Variants in PARD3 observed in about 807,000 individuals in gnomAD.
PARD3 encodes the protein partitioning defective 3 homolog.
Under a neutral mutation model 155.4 loss-of-function variants are expected in PARD3, and 75 were observed. That is an observed-to-expected ratio of 0.48 (90% CI 0.40 to 0.58). PARD3 has a LOEUF of 0.58. PARD3 is among the 20% of genes least tolerant of loss of function. PARD3 has a pLI of 0.00. For synonymous variants in PARD3, 576 were observed against 610.5 expected, an observed-to-expected ratio of 0.94 and a Z score of 0.83; for missense variants, 1,642 against 1,721.7, an observed-to-expected ratio of 0.95 and a Z score of 0.82.
At position 34,333,880 on chromosome 10, in the gene PARD3, ATGTTAGGATTTC is replaced by A. The variant is rs568676790; in HGVS notation, c.2605+2307_2605+2318del. Among the ~76,000 whole-genome samples the A allele has an allele frequency of 4.1e-3, 627 of 152,150 alleles. 4 individuals carry two copies. The highest frequency in any genetic ancestry group is 0.029 in the South Asian group (140 of 4,830). ...AACTATAACAAAGGTTTTGAATGAT[ATGTTAGGATTTC>A]TCAGCGAAGTTATTAAAATCCCTAA... On this transcript the variant is annotated intron_variant, in intron 18 of 24. Transcript: ENST00000374788.
At chr10:34,746,638 C>T (rs1015401405) in intron 1 of PARD3, among the ~76,000 whole-genome samples, 10 of 150,018 alleles carry the variant, frequency 6.7e-5, no homozygotes, top group African/African-American at 2.3e-4. Flanking sequence ...TTGTCAACTT[C>T]ACTGATTTCA....
intron 5 of PARD3, among the ~76,000 whole-genome samples, chr10:34,447,630 G>A (rs750392789): frequency 6.7e-6 from 1 of 149,740 alleles, no homozygotes; most frequent in Admixed American, 6.7e-5. Context: ...ATGAAACCCC[G>A]TCTCTACTAA....
intron 21 of PARD3, among the ~76,000 whole-genome samples, chr10:34,278,943 C>A (rs1476824896): frequency 1.3e-5 from 2 of 152,132 alleles, no homozygotes; most frequent in East Asian, 1.9e-4. Flanking sequence ...AATGTTCAGG[C>A]TTTCATGGAT....
chr10:34,714,126 T>C lies in PARD3; in HGVS notation c.121-17707A>G, dbSNP rs77128711. The stretch of plus-strand genomic sequence containing the variant: ...AAAAGCCTCACTGAAACATGATAAA[T>C]TCCAAATGGCTCTGAATCCTAAACA... On this transcript the variant is annotated intron_variant, in intron 1 of 24. Coordinates refer to ENST00000374788, the MANE Select transcript of PARD3 (RefSeq NM_001184785.2). 4.2e-3 allele frequency among the ~76,000 whole-genome samples: 636 copies of C among 152,190 alleles called. 9 individuals carry two copies. The East Asian group carries it at 0.044, about 11-fold the overall frequency.
chr10:34,235,490 A>G (rs550660043), intron 22 of PARD3, among the ~76,000 whole-genome samples: 1 of 152,314 alleles, frequency 6.6e-6, no homozygotes, highest in South Asian at 2.1e-4. Context: ...TATTTTTGTG[A>G]TGGATATGGC....
intron 1 of PARD3, among the ~76,000 whole-genome samples, chr10:34,791,448 C>T (rs907731888): frequency 6.6e-6 from 1 of 152,180 alleles, no homozygotes; most frequent in Non-Finnish European, 1.5e-5. Flanking sequence ...CGGCTCGAAG[C>T]CAACACCGAG....
At chr10:34,146,650 C>T (rs992581586) in intron 22 of PARD3, among the ~76,000 whole-genome samples, 4 of 152,210 alleles carry the variant, frequency 2.6e-5, no homozygotes, top group African/African-American at 9.7e-5. Context: ...AATATGGTGA[C>T]TGTGACATAC....
chr10:34,813,710 C>T (rs919253476), intron 1 of PARD3, among the ~76,000 whole-genome samples: 1 of 152,178 alleles, frequency 6.6e-6, no homozygotes, highest in African/African-American at 2.4e-5. Flanking sequence ...GAAGATGCCA[C>T]CGGAGTACCC....
At chr10:34,318,094 G>A (rs1199950945) in intron 19 of PARD3, among the ~76,000 whole-genome samples, 1 of 152,188 alleles carries the variant, frequency 6.6e-6, no homozygotes, top group East Asian at 1.9e-4. Flanking sequence ...TCTGCTTAGT[G>A]ATAACAATAT....
intron 1 of PARD3, among the ~76,000 whole-genome samples, chr10:34,743,006 A>T (rs11009911): frequency 0.63 from 95,903 of 152,074 alleles, 31,082 homozygotes; most frequent in Non-Finnish European, 0.72. Context: ...TCCTTTTGTA[A>T]GAAAGGAACG....
At chr10:34,802,564 G>A (rs1033334391) in intron 1 of PARD3, among the ~76,000 whole-genome samples, 1 of 152,170 alleles carries the variant, frequency 6.6e-6, no homozygotes. Flanking sequence ...ATGTGTCAAA[G>A]CTTTGGTCTG....
chr10:34,274,649 A>G (rs919818616), intron 21 of PARD3, among the ~76,000 whole-genome samples: 2 of 152,154 alleles, frequency 1.3e-5, no homozygotes, highest in African/African-American at 2.4e-5. Flanking sequence ...AAGGAACACA[A>G]CAGACCTAAG....
At position 34,109,593 on chromosome 10, in the gene PARD3, G is replaced by A. The variant is rs1407042067; in HGVS notation, c.*1576C>T. ...AGAAATATGCCTTTTATTAGGAGTT[G>A]CATATGTACAGAGAAAGCTGTTTCT... On this transcript the variant is annotated 3_prime_UTR_variant, in exon 25 of 25. Transcript: ENST00000374788. The A allele has an allele frequency of 1.3e-5, 2 of 152,000 alleles. No individual in the cohort carries two copies. Among genetic ancestry groups the A allele is most frequent in the African/African-American group, 4.8e-5 (2 of 41,360 alleles). The allele number at this position is 152,000 out of a possible 1,614,324, so 9.4% of individuals were successfully genotyped here.
At chr10:34,226,880 A>C (rs546886981) in intron 22 of PARD3, among the ~76,000 whole-genome samples, 64 of 152,312 alleles carry the variant, frequency 4.2e-4, no homozygotes, top group Non-Finnish European at 7.8e-4. Flanking sequence ...AAAATAAAGG[A>C]AGGAACTATT....
chr10:34,489,589 A>G (rs2079744840), intron 3 of PARD3, among the ~76,000 whole-genome samples: 1 of 152,236 alleles, frequency 6.6e-6, no homozygotes, highest in South Asian at 2.1e-4. Flanking sequence ...CAAGGCAGCA[A>G]TAAGACTTCA....
At chr10:34,539,631 A>C (rs2083462663) in intron 2 of PARD3, among the ~76,000 whole-genome samples, 1 of 152,232 alleles carries the variant, frequency 6.6e-6, no homozygotes, top group Non-Finnish European at 1.5e-5. Context: ...ACTGCACTCC[A>C]GTTTCGGTGA....
In PARD3 at chr10:34,317,273, G is replaced by C. The variant is rs775613305; in HGVS notation, c.2899C>G (p.Pro967Ala). The change falls in exon 20 of 25, where the codon CCT (proline) becomes GCT (alanine). Residue 967 changes from proline to alanine, a missense_variant. Around this residue, in one of 3 missense-constraint regions of PARD3, gnomAD observed 1,529 missense variants for 1,587.3 expected, o/e 0.96. Coordinates refer to ENST00000374788, the MANE Select transcript of PARD3 (RefSeq NM_001184785.2). ...ATTTGTCTCTCCAGAGAGTGGGAAG[G>C]CTGATCACTGGCTGTGGATACAGAC... Reference protein sequence around the residue: ...RESVSTASDQPSHSLERQMNG... With the variant: ...RESVSTASDQASHSLERQMNG... The C allele has an allele frequency of 4.3e-6, 7 of 1,613,344 alleles. No individual in the cohort carries two copies. The highest frequency in any genetic ancestry group is 5.9e-6 in the Non-Finnish European group (7 of 1,179,832).
chr10:34,744,148 T>C (rs929697905), intron 1 of PARD3, among the ~76,000 whole-genome samples: 1 of 152,136 alleles, frequency 6.6e-6, no homozygotes, highest in Admixed American at 6.5e-5. Flanking sequence ...TCTGGCCAAA[T>C]GGCTCTCCAT....
intron 1 of PARD3, among the ~76,000 whole-genome samples, chr10:34,787,774 C>CT (rs879835386): frequency 0.06 from 8,366 of 140,172 alleles, 289 homozygotes; most frequent in Middle Eastern, 0.11. Context: ...AACCAACATC[C>CT]TTTTTTTTTT....
Sources: gnomAD v4.1 joint callset for allele counts (sites outside exome capture counted in the v4.1 genomes callset) on GRCh38, gnomAD v4.1.1 for gene constraint, gnomAD v4.1.1 regional missense constraint, MANE v1.5 for transcripts, NCBI Gene and HGNC (gene_info 2026-07-23, HGNC 2026-07-21) for gene names.